Variants in FSIP1 observed in about 807,000 individuals in gnomAD.
The protein encoded by FSIP1 is fibrous sheath-interacting protein 1.
Under a neutral mutation model 60.9 loss-of-function variants are expected in FSIP1, and 65 were observed. The observed-to-expected ratio is 1.07, with a 90% CI of 0.87 to 1.31. The LOEUF (loss-of-function observed/expected upper bound fraction) is 1.31, where lower values mean the gene tolerates loss of function less well. Among genes scored for constraint, FSIP1 ranks in the 40% most tolerant of loss-of-function variants. The probability of loss-of-function intolerance (pLI) is 0.00; values close to 1 mark genes in which losing one functional copy is unlikely to be tolerated. For synonymous variants in FSIP1, 209 were observed against 221.2 expected, an observed-to-expected ratio of 0.94 and a Z score of 0.49; for missense variants, 675 against 665.5, an observed-to-expected ratio of 1.01 and a Z score of -0.16.
intron 11 of FSIP1, among the ~76,000 whole-genome samples, chr15:39,611,449 G>T (rs959337589): frequency 6.6e-6 from 1 of 152,016 alleles, no homozygotes; most frequent in Non-Finnish European, 1.5e-5. Flanking sequence ...ACCATGCCCA[G>T]CCTGTACAAG....
intron 10 of FSIP1, among the ~76,000 whole-genome samples, chr15:39,630,534 T>C (rs1325485743): frequency 3.3e-5 from 5 of 152,262 alleles, no homozygotes; most frequent in South Asian, 2.1e-4. Flanking sequence ...GGGTGGGGCA[T>C]GGAGGGAACA....
At chr15:39,633,348 A>C (rs1891990784) in intron 10 of FSIP1, among the ~76,000 whole-genome samples, 2 of 152,120 alleles carry the variant, frequency 1.3e-5, no homozygotes, top group African/African-American at 2.4e-5. Context: ...TCTGCCTCCC[A>C]AAGTGCTGGG....
chr15:39,693,183 G>T (rs1316642376), intron 10 of FSIP1, among the ~76,000 whole-genome samples: 2 of 152,176 alleles, frequency 1.3e-5, no homozygotes, highest in African/African-American at 4.8e-5. Flanking sequence ...GTCTTGCACT[G>T]ACAGCAATTA....
At chr15:39,752,840 CATA>C (rs1186686037) in intron 5 of FSIP1, among the ~76,000 whole-genome samples, 1 of 151,616 alleles carries the variant, frequency 6.6e-6, no homozygotes, top group African/African-American at 2.4e-5. Context: ...GCAAGATATT[CATA>C]ATAAGGGAAA....
intron 3 of FSIP1, among the ~76,000 whole-genome samples, chr15:39,766,925 G>A (rs1013433378): frequency 6.6e-6 from 1 of 152,044 alleles, no homozygotes; most frequent in South Asian, 2.1e-4. Flanking sequence ...CTGCAACCTC[G>A]AACGCCTGGG....
rs1234016920 is a variant in FSIP1, at chr15:39,618,220, T to G, written c.1214A>C (p.Glu405Ala). The stretch of plus-strand genomic sequence containing the variant: ...ATCCAGAAGACACTTTAACTGTTCT[T>G]CAGAGAGACATGATGTGGACTCTAA... ...NVLESTSCLS[E>A]EQLKCLLDEC... Residue 405 changes from glutamate to alanine, a missense_variant, in exon 11 of 12, where the codon GAA becomes GCA. Transcript: ENST00000350221. The G allele has an allele frequency of 6.2e-7, 1 of 1,608,950 alleles. No individual in the cohort carries two copies. The highest frequency in any genetic ancestry group is 1.1e-5 in the South Asian group (1 of 90,956).
intron 5 of FSIP1, among the ~76,000 whole-genome samples, chr15:39,759,754 G>C (rs927150874): frequency 4.6e-5 from 7 of 152,090 alleles, no homozygotes; most frequent in African/African-American, 1.4e-4. Flanking sequence ...GCTTCTGATG[G>C]TTGCCAGCAG....
chr15:39,705,905 G>A (rs572915300), intron 10 of FSIP1, among the ~76,000 whole-genome samples: 31 of 150,768 alleles, frequency 2.1e-4, no homozygotes, highest in Non-Finnish European at 3.8e-4. Context: ...GGCTAAGGAA[G>A]GAGAATTGCT....
At chr15:39,762,939 G>A (rs1444737246) in intron 5 of FSIP1, among the ~76,000 whole-genome samples, 1 of 152,166 alleles carries the variant, frequency 6.6e-6, no homozygotes, top group Admixed American at 6.6e-5. Flanking sequence ...ACAAATTAGT[G>A]GGGGAAAGGT....
Position 39,600,910 on chromosome 15 carries a change from T to G in FSIP1, c.1716A>C (p.Lys572Asn). The G allele has an allele frequency of 6.2e-7, 1 of 1,611,468 alleles. No individual in the cohort carries two copies. The highest frequency in any genetic ancestry group is 2.2e-5 in the East Asian group (1 of 44,792). Residue 572 changes from lysine (K) to asparagine (N), a missense_variant, in exon 12 of 12, where the codon AAA (lysine) becomes AAC (asparagine). Physicochemically the swap from Lys to Asn is moderately conservative, Grantham distance 94. Coordinates refer to ENST00000350221, the MANE Select transcript of FSIP1 (RefSeq NM_152597.5). ...GTTCTTTACATTCTTCTGCTGCATC[T>G]TTAGTCTCCTGCTCATCTGCACATA... ...ENTIADEQETKDAAEECKEP is the reference protein window; with the variant it reads ...ENTIADEQETNDAAEECKEP
intron 10 of FSIP1, among the ~76,000 whole-genome samples, chr15:39,686,993 A>T (rs1410889004): frequency 6.6e-6 from 1 of 152,054 alleles, no homozygotes; most frequent in Non-Finnish European, 1.5e-5. Context: ...TAAACCTTTT[A>T]AATGTGAGGT....
chr15:39,661,327 A>G (rs1893287373), intron 10 of FSIP1, among the ~76,000 whole-genome samples: 1 of 152,208 alleles, frequency 6.6e-6, no homozygotes, highest in Non-Finnish European at 1.5e-5. Context: ...TATACAATAG[A>G]TCTGGACAGA....
chr15:39,677,175 T>C (rs886886578), intron 10 of FSIP1, among the ~76,000 whole-genome samples: 2 of 152,238 alleles, frequency 1.3e-5, no homozygotes, highest in African/African-American at 4.8e-5. Context: ...AACCATTACG[T>C]ATGTGATTCA....
chr15:39,776,143 G>GGA (rs1898047885), intron 2 of FSIP1, among the ~76,000 whole-genome samples: 1 of 122,606 alleles, frequency 8.2e-6, no homozygotes, highest in African/African-American at 3.0e-5. Flanking sequence ...GGAGGGAGGG[G>GGA]AGGAGCAGAG....
At chr15:39,617,370 T>A (rs16969385) in intron 11 of FSIP1, among the ~76,000 whole-genome samples, 3,645 of 152,288 alleles carry the variant, frequency 0.024, 155 homozygotes, top group African/African-American at 0.083. Flanking sequence ...TTAAATTCAT[T>A]CCTTAGAACA....
intron 8 of FSIP1, among the ~76,000 whole-genome samples, chr15:39,735,937 A>G (rs1219564987): frequency 6.6e-6 from 1 of 152,210 alleles, no homozygotes; most frequent in Non-Finnish European, 1.5e-5. Context: ...TCCCACTGGA[A>G]GGTCTTCAAG....
At chr15:39,747,925 TTAACTGGAATTCCTATTCCC>T (rs571397085) in intron 5 of FSIP1, among the ~76,000 whole-genome samples, 44 of 152,244 alleles carry the variant, frequency 2.9e-4, no homozygotes, top group African/African-American at 9.6e-4. Context: ...TCTATAATTT[TTAACTGGAATTCCTATTCCC>T]TATCTCCACA....
At chr15:39,663,361 T>C (rs1475637120) in intron 10 of FSIP1, among the ~76,000 whole-genome samples, 1 of 110,042 alleles carries the variant, frequency 9.1e-6, no homozygotes, top group Non-Finnish European at 1.9e-5. Context: ...GAACATAAGA[T>C]ATAAATATAA....
Position 39,600,894 on chromosome 15 carries a change from A to C in FSIP1, c.1732T>G (p.Cys578Gly), listed in dbSNP as rs1318236562. The change falls in exon 12 of 12, where the codon TGT becomes GGT. Residue 578 changes from cysteine (C) to glycine (G), a missense_variant. Cys to Gly is a radical substitution (Grantham distance 159). Coordinates refer to ENST00000350221, the MANE Select transcript of FSIP1 (RefSeq NM_152597.5). ...EQETKDAAEE[C>G]KEP is the part of the protein sequence containing the mutation. ...CAAGTCCTTGATTAGGGTTCTTTAC[A>C]TTCTTCTGCTGCATCTTTAGTCTCC... The C allele has an allele frequency of 3.1e-6, 5 of 1,610,544 alleles. No individual in the cohort carries two copies. Among genetic ancestry groups the C allele is most frequent in the Admixed American group, 3.4e-5 (2 of 59,152 alleles).
Sources: gnomAD v4.1 joint callset for allele counts (sites outside exome capture counted in the v4.1 genomes callset) on GRCh38, gnomAD v4.1.1 for gene constraint, MANE v1.5 for transcripts, NCBI Gene and HGNC (gene_info 2026-07-23, HGNC 2026-07-21) for gene names.